The following CHRM2 variants were observed in gnomAD, a reference collection of about 807,000 sequenced individuals.
The protein encoded by CHRM2 is muscarinic acetylcholine receptor M2.
In CHRM2, 8 loss-of-function variants were observed where a neutral mutation model predicts 25.0. The observed-to-expected ratio is 0.32, with a 90% confidence interval of 0.19 to 0.58. The LOEUF (loss-of-function observed/expected upper bound fraction) is 0.58, where lower values mean the gene tolerates loss of function less well. CHRM2 is among the 20% of genes least tolerant of loss of function. The pLI is 0.88. For missense variants in CHRM2, 440 were observed against 567.1 expected (o/e 0.78, Z 2.28); for synonymous variants, 202 against 205.7 (o/e 0.98, Z 0.15).
At chr7:136,984,856 C>T (rs1174510016) in intron 2 of CHRM2, among the ~76,000 whole-genome samples, 11 of 152,050 alleles carry the variant, frequency 7.2e-5, no homozygotes, top group African/African-American at 1.7e-4. Flanking sequence ...GCGTTGGTCT[C>T]GCTGGGAGCT....
At chr7:136,925,549 T>A (rs1327066501) in intron 2 of CHRM2, among the ~76,000 whole-genome samples, 1 of 152,066 alleles carries the variant, frequency 6.6e-6, no homozygotes. Context: ...GCTTTTTTTT[T>A]TCTAAATGGG....
At chr7:136,898,471 T>G (rs1283331491) in intron 2 of CHRM2, among the ~76,000 whole-genome samples, 1 of 151,814 alleles carries the variant, frequency 6.6e-6, no homozygotes, top group Non-Finnish European at 1.5e-5. Flanking sequence ...AGACTGTGAA[T>G]TGACTATTCA....
At chr7:136,942,216 A>G (rs954209271) in intron 2 of CHRM2, among the ~76,000 whole-genome samples, 2 of 152,134 alleles carry the variant, frequency 1.3e-5, no homozygotes, top group Admixed American at 1.3e-4. Context: ...TTCGTTGGGA[A>G]CCACTGTCAT....
rs545918015 is a variant in CHRM2, at chr7:136,941,812, C to T, written c.-124-50375C>T. 4.6e-5 allele frequency among the ~76,000 whole-genome samples: 7 copies of T among 152,244 alleles called. No individual in the cohort carries two copies. In the East Asian group the frequency reaches 1.4e-3, roughly 29 times the overall value. ...GGTATCCTTGTGGTAGTGGATGCTT[C>T]TGTTTAATTGCCAGGATATCTTCAT... On this transcript the variant is annotated intron_variant, in intron 2 of 3. Transcript: ENST00000680005.
At chr7:136,886,840 A>G (rs1301278067) in intron 2 of CHRM2, among the ~76,000 whole-genome samples, 1 of 152,116 alleles carries the variant, frequency 6.6e-6, no homozygotes, top group Non-Finnish European at 1.5e-5. Flanking sequence ...ACCACTGCAC[A>G]CTACCCTGAG....
chr7:136,948,829 T>C (rs1800220712), intron 2 of CHRM2, among the ~76,000 whole-genome samples: 1 of 151,536 alleles, frequency 6.6e-6, no homozygotes, highest in South Asian at 2.1e-4. Flanking sequence ...GAACAGAGAG[T>C]GAGGCAGTAA....
chr7:136,922,342 T>C (rs2130740136), intron 2 of CHRM2, among the ~76,000 whole-genome samples: 1 of 152,284 alleles, frequency 6.6e-6, no homozygotes, highest in East Asian at 1.9e-4. Flanking sequence ...TGTAATAACA[T>C]TTTTTTAAGT....
intron 2 of CHRM2, among the ~76,000 whole-genome samples, chr7:136,983,497 TGGA>T (rs1802626174): frequency 6.6e-6 from 1 of 152,180 alleles, no homozygotes; most frequent in African/African-American, 2.4e-5. Flanking sequence ...TGTGATCCTG[TGGA>T]GGAGAAGAAG....
chr7:136,919,762 T>C (rs569523743), intron 2 of CHRM2, among the ~76,000 whole-genome samples: 1 of 152,246 alleles, frequency 6.6e-6, no homozygotes, highest in South Asian at 2.1e-4. Context: ...CCACTCAACT[T>C]TCATGATTCT....
intron 2 of CHRM2, among the ~76,000 whole-genome samples, chr7:136,963,726 G>A (rs1019958888): frequency 2.0e-5 from 3 of 151,944 alleles, no homozygotes; most frequent in South Asian, 4.2e-4. Flanking sequence ...AAAAAATGAC[G>A]CCCAGGTCCC....
chr7:136,873,396 T>G (rs541054779), intron 2 of CHRM2, among the ~76,000 whole-genome samples: 2 of 152,382 alleles, frequency 1.3e-5, no homozygotes, highest in South Asian at 4.1e-4. Flanking sequence ...TCTTCCCATA[T>G]GATATTTTCT....
chr7:136,945,673 T>G (rs1800034651), intron 2 of CHRM2, among the ~76,000 whole-genome samples: 1 of 152,186 alleles, frequency 6.6e-6, no homozygotes, highest in Admixed American at 6.5e-5. Flanking sequence ...AGATTTGTTC[T>G]TTTTGCTAAC....
intron 2 of CHRM2, among the ~76,000 whole-genome samples, chr7:136,968,500 A>G (rs1410898243): frequency 6.6e-6 from 1 of 151,924 alleles, no homozygotes; most frequent in Non-Finnish European, 1.5e-5. Context: ...TGCAATTACC[A>G]TATGATCCAG....
intron 2 of CHRM2, among the ~76,000 whole-genome samples, chr7:136,966,386 T>G (rs926626792): frequency 7.2e-5 from 11 of 151,976 alleles, no homozygotes; most frequent in Non-Finnish European, 1.6e-4. Context: ...TAAAAGTCAA[T>G]GATGTTATGT....
intron 2 of CHRM2, among the ~76,000 whole-genome samples, chr7:136,965,364 A>C (rs989932942): frequency 1.1e-4 from 17 of 152,122 alleles, no homozygotes; most frequent in Non-Finnish European, 2.4e-4. Flanking sequence ...GTAGTTGAGG[A>C]AGTAATGAAT....
At chr7:136,934,387 C>A (rs2130791889) in intron 2 of CHRM2, among the ~76,000 whole-genome samples, 1 of 152,054 alleles carries the variant, frequency 6.6e-6, no homozygotes, top group Non-Finnish European at 1.5e-5. Flanking sequence ...TCACTTATTG[C>A]CTTGATGACT....
chr7:136,886,775 G>C (rs867881345), intron 2 of CHRM2, among the ~76,000 whole-genome samples: 77 of 152,250 alleles, frequency 5.1e-4, no homozygotes, highest in African/African-American at 1.9e-3. Flanking sequence ...GGGAGGCTGA[G>C]GGGGAGGATC....
At chr7:136,942,258 T>C (rs1209474466) in intron 2 of CHRM2, among the ~76,000 whole-genome samples, 1 of 152,170 alleles carries the variant, frequency 6.6e-6, no homozygotes, top group Non-Finnish European at 1.5e-5. Context: ...TTGCAGCAGA[T>C]GTGAAGCTCC....
At chr7:136,959,679 G>A (rs919661957) in intron 2 of CHRM2, among the ~76,000 whole-genome samples, 8 of 152,178 alleles carry the variant, frequency 5.3e-5, no homozygotes, top group Admixed American at 2.0e-4. Context: ...TTGGGAGGCC[G>A]AGGCAGCAGA....
Sources: allele counts gnomAD v4.1 joint callset (sites outside exome capture counted in the v4.1 genomes callset), GRCh38; gene constraint gnomAD v4.1.1; transcripts MANE v1.5; gene names NCBI Gene and HGNC (gene_info 2026-07-23, HGNC 2026-07-21).